Variants in CERS6 observed in about 807,000 individuals in gnomAD.
CERS6 encodes the protein ceramide synthase 6.
CERS6 carries 26 observed loss-of-function variants against 56.8 expected under a neutral mutation model. That is an observed-to-expected ratio of 0.46 (90% CI 0.34 to 0.63). The LOEUF (loss-of-function observed/expected upper bound fraction) is 0.63, where lower values mean the gene tolerates loss of function less well. Ranked by LOEUF, CERS6 falls within the 30% of genes least tolerant of loss-of-function variation. The probability of loss-of-function intolerance (pLI) is 0.01; values close to 1 mark genes in which losing one functional copy is unlikely to be tolerated. For synonymous variants in CERS6, 164 were observed against 173.3 expected (o/e 0.95, Z 0.42); for missense variants, 415 against 467.5 (o/e 0.89, Z 1.04).
At position 168,495,783 on chromosome 2, in the gene CERS6, T is replaced by C. The variant is rs1694455924; in HGVS notation, c.170+39165T>C. On this transcript the variant is annotated intron_variant, in intron 1 of 9. Coordinates refer to ENST00000305747, the MANE Select transcript of CERS6 (RefSeq NM_203463.3). ...ATATAGTGTCATATCTGTCTCATTC[T>C]CCTTTCAGGGGGGGCATGATTGTTT... 1.3e-5 allele frequency among the ~76,000 whole-genome samples: 2 copies of C among 152,220 alleles called. 1 individual carries two copies. Among genetic ancestry groups the C allele is most frequent in the South Asian group, 4.1e-4 (2 of 4,830 alleles).
At chr2:168,529,041 C>A (rs1333926244) in intron 1 of CERS6, among the ~76,000 whole-genome samples, 2 of 152,156 alleles carry the variant, frequency 1.3e-5, no homozygotes, top group African/African-American at 4.8e-5. Flanking sequence ...GTTATGGAGA[C>A]CAAGCCATCA....
At chr2:168,562,004 TC>T (rs1286039455) in intron 3 of CERS6, among the ~76,000 whole-genome samples, 6 of 152,116 alleles carry the variant, frequency 3.9e-5, no homozygotes, top group South Asian at 2.1e-4. Context: ...ATTGAGAACA[TC>T]CCCAAGAAAG....
At chr2:168,592,572 C>A (rs1490593338) in intron 3 of CERS6, among the ~76,000 whole-genome samples, 2 of 151,938 alleles carry the variant, frequency 1.3e-5, no homozygotes, top group African/African-American at 2.4e-5. Flanking sequence ...TGGTGCCCTG[C>A]AGAATTAGCA....
intron 4 of CERS6, among the ~76,000 whole-genome samples, chr2:168,682,136 G>A (rs531843652): frequency 4.2e-4 from 64 of 152,168 alleles, no homozygotes; most frequent in African/African-American, 1.1e-3. Flanking sequence ...ATATATAACC[G>A]GTAGTTGGGT....
At chr2:168,629,472 T>G (rs1461362477) in intron 3 of CERS6, among the ~76,000 whole-genome samples, 1 of 152,096 alleles carries the variant, frequency 6.6e-6, no homozygotes, top group Non-Finnish European at 1.5e-5. Context: ...ACAAACCCAG[T>G]CTCCCATTAT....
Position 168,513,870 on chromosome 2 carries a change from G to GGAGA in CERS6, c.171-33719_171-33716dup, listed in dbSNP as rs573024046. Among the ~76,000 whole-genome samples the GGAGA allele has an allele frequency of 2.0e-5, 3 of 152,008 alleles. No homozygotes were observed. In the East Asian group the frequency reaches 5.8e-4, roughly 29 times the overall value. On this transcript the variant is annotated intron_variant, in intron 1 of 9. Coordinates refer to ENST00000305747, the MANE Select transcript of CERS6 (RefSeq NM_203463.3). ...CGAGGTGGAGCCGGACCAGAGCTAG[G>GGAGA]GAGAGAGAGAAAAGGTCATTCTTCC...
chr2:168,496,748 T>G (rs745880547), intron 1 of CERS6, among the ~76,000 whole-genome samples: 1 of 152,212 alleles, frequency 6.6e-6, no homozygotes, highest in Non-Finnish European at 1.5e-5. Flanking sequence ...CTCTAGATTT[T>G]AAAGGAATCT....
rs1444824610 is a variant in CERS6, at chr2:168,770,917, A to T, written c.*1255A>T. The T allele has an allele frequency of 6.6e-6, 1 of 152,312 alleles. No individual in the cohort carries two copies. Among genetic ancestry groups the T allele is most frequent in the Admixed American group, 6.5e-5 (1 of 15,302 alleles). 9.4% of individuals were successfully genotyped at this position (152,312 alleles called of 1,614,324 possible). ...GAAAAATGAAAAATTCTATTGGACA[A>T]TGGCAATATCAACAATGAGGAAAAT... On this transcript the variant is annotated 3_prime_UTR_variant, in exon 10 of 10. Transcript: ENST00000305747.
chr2:168,626,288 G>A (rs564485526), intron 3 of CERS6, among the ~76,000 whole-genome samples: 13 of 152,256 alleles, frequency 8.5e-5, no homozygotes, highest in Admixed American at 2.6e-4. Context: ...AACGGCCCTC[G>A]TATGCCTGCC....
intron 1 of CERS6, among the ~76,000 whole-genome samples, chr2:168,512,829 A>G (rs1419872213): frequency 2.6e-5 from 4 of 151,768 alleles, no homozygotes; most frequent in Non-Finnish European, 4.4e-5. Flanking sequence ...CACCATGCCC[A>G]GCTAAGTTTT....
intron 9 of CERS6, 92 bp downstream of exon 9, chr2:168,765,840 A>ATG: frequency 8.6e-7 from 1 of 1,169,562 alleles, no homozygotes; most frequent in Non-Finnish European, 1.2e-6. Context: ...ATATTTCATC[A>ATG]AAATTGGTAG....
intron 1 of CERS6, among the ~76,000 whole-genome samples, chr2:168,482,519 G>A (rs868750327): frequency 3.9e-5 from 6 of 152,240 alleles, no homozygotes; most frequent in African/African-American, 1.4e-4. Context: ...CATATTATGA[G>A]TGGTCTTGCT....
intron 4 of CERS6, among the ~76,000 whole-genome samples, chr2:168,666,325 C>T (rs1018857182): frequency 1.1e-4 from 16 of 152,168 alleles, no homozygotes; most frequent in African/African-American, 3.6e-4. Context: ...TCCCTTCCTT[C>T]CTCCCTAGAC....
chr2:168,554,441 C>G (rs1415870558), intron 2 of CERS6, among the ~76,000 whole-genome samples: 1 of 152,084 alleles, frequency 6.6e-6, no homozygotes, highest in African/African-American at 2.4e-5. Context: ...TATGGTGGGT[C>G]CTAATCCAAT....
At position 168,629,629 on chromosome 2, in the gene CERS6, G is replaced by C. The variant is rs145651744; in HGVS notation, c.408-1356G>C. On this transcript the variant is annotated intron_variant, in intron 3 of 9. Coordinates refer to ENST00000305747, the MANE Select transcript of CERS6 (RefSeq NM_203463.3). ...GTTCAACAACTATTAAGAATTTCAA[G>C]ATGGTAACAAAGCATTAAATCAAGC... 2.3e-3 allele frequency among the ~76,000 whole-genome samples: 349 copies of C among 152,222 alleles called. 1 individual carries two copies. The highest frequency in any genetic ancestry group is 8.0e-3 in the African/African-American group (333 of 41,532).
intron 4 of CERS6, among the ~76,000 whole-genome samples, chr2:168,676,975 G>A (rs1002688452): frequency 6.7e-6 from 1 of 149,160 alleles, no homozygotes; most frequent in Non-Finnish European, 1.5e-5. Context: ...GCAGTTTTAC[G>A]CACCATTGCT....
rs192907270 is a variant in CERS6, at chr2:168,531,856, C to T, written c.171-15740C>T. 1.6e-3 allele frequency among the ~76,000 whole-genome samples: 244 copies of T among 151,370 alleles called. 1 individual carries two copies. The highest frequency in any genetic ancestry group is 2.9e-3 in the Non-Finnish European group (195 of 67,876). On this transcript the variant is annotated intron_variant, in intron 1 of 9. Transcript: ENST00000305747. ...AAAAAAGGTCAGTGACCACCACAGACGAGGGCACCTTCTGATGTGTGAAAA... is the reference window on the plus strand; with the variant it reads ...AAAAAAGGTCAGTGACCACCACAGATGAGGGCACCTTCTGATGTGTGAAAA...
rs186520526 is a variant in CERS6, at chr2:168,690,041, G to A, written c.466-993G>A. Reference sequence around the variant, plus strand: ...CTATAAAATAAGAAAAATACTAGTAGCTACTATAAGGATTAAATGAGTTAA... The same window carrying A: ...CTATAAAATAAGAAAAATACTAGTAACTACTATAAGGATTAAATGAGTTAA... On this transcript the variant is annotated intron_variant, in intron 4 of 9. Coordinates refer to ENST00000305747, the MANE Select transcript of CERS6 (RefSeq NM_203463.3). 5.0e-4 allele frequency among the ~76,000 whole-genome samples: 76 copies of A among 152,214 alleles called. No individual in the cohort carries two copies. The Middle Eastern group carries it at 0.01, about 20-fold the overall frequency.
chr2:168,657,578 T>C (rs1308136617), intron 4 of CERS6, among the ~76,000 whole-genome samples: 4 of 152,252 alleles, frequency 2.6e-5, no homozygotes, highest in Non-Finnish European at 5.9e-5. Flanking sequence ...TCCCGAGCCC[T>C]GCCCCGTGGG....
Sources: allele counts gnomAD v4.1 joint callset (sites outside exome capture counted in the v4.1 genomes callset), GRCh38; gene constraint gnomAD v4.1.1; transcripts MANE v1.5; gene names NCBI Gene and HGNC (gene_info 2026-07-23, HGNC 2026-07-21).